Variants in SLFN12L observed in about 807,000 individuals in gnomAD.
SLFN12L encodes schlafen family member 12 like.
SLFN12L carries 34 observed loss-of-function variants against 34.8 expected under a neutral mutation model. The observed-to-expected ratio is 0.98, with a 90% CI of 0.74 to 1.30. SLFN12L has a LOEUF of 1.30. SLFN12L is among the 50% of genes most tolerant of loss of function. The probability of loss-of-function intolerance (pLI) is 0.00; values close to 1 mark genes in which losing one functional copy is unlikely to be tolerated. For synonymous variants in SLFN12L, 259 were observed against 247.5 expected (o/e 1.05, Z -0.44); for missense variants, 703 against 696.2 (o/e 1.01, Z -0.11).
chr17:35,492,166 C>G (rs1338587201), intron 2 of SLFN12L, among the ~76,000 whole-genome samples: 5 of 152,160 alleles, frequency 3.3e-5, no homozygotes, highest in Non-Finnish European at 7.3e-5. Flanking sequence ...GGGAGAGAAC[C>G]TCTACTGATC....
intron 1 of SLFN12L, among the ~76,000 whole-genome samples, chr17:35,525,873 T>G (rs1051102712): frequency 1.3e-5 from 2 of 152,212 alleles, no homozygotes; most frequent in African/African-American, 4.8e-5. Flanking sequence ...ACCTTAAATG[T>G]AAATGGGCTA....
chr17:35,499,060 C>A, intron 2 of SLFN12L: 1 of 825,290 alleles, frequency 1.2e-6, no homozygotes. Context: ...CTGCTTGCTG[C>A]TGGGTTTGAC....
In SLFN12L at chr17:35,516,656, C is replaced by A. The variant is rs374825600; in HGVS notation, c.86+5623G>T. 3.3e-5 allele frequency among the ~76,000 whole-genome samples: 5 copies of A among 152,320 alleles called. No homozygotes were observed. In the South Asian group the frequency reaches 1.0e-3, roughly 32 times the overall value. On this transcript the variant is annotated intron_variant, in intron 2 of 4. Transcript: ENST00000628453. ...GTCCCTTGGAGGGCAAAATCCACCA[C>A]CCCCTCCACTCTATTGAGAGCCACT...
In SLFN12L at chr17:35,522,874, G is replaced by A. The variant is rs1424617335; in HGVS notation, c.-510C>T. On this transcript the variant is annotated 5_prime_UTR_variant, in exon 2 of 5. Transcript: ENST00000628453. Reference sequence around the variant, plus strand: ...ATCACAATTCCCCAGGAGAAAGGTTGGGTTTGCTTATTTATTAACTCCTCT... The same window carrying A: ...ATCACAATTCCCCAGGAGAAAGGTTAGGTTTGCTTATTTATTAACTCCTCT... 3.8e-5 allele frequency: 34 copies of A among 895,620 alleles called. No individual in the cohort carries two copies. The highest frequency in any genetic ancestry group is 5.7e-5 in the Non-Finnish European group (32 of 564,854). The allele number at this position is 895,620 out of a possible 1,614,324, so 55.5% of individuals were successfully genotyped here.
At chr17:35,535,349 C>T (rs1446697764) in intron 1 of SLFN12L, among the ~76,000 whole-genome samples, 3 of 151,652 alleles carry the variant, frequency 2.0e-5, no homozygotes. Context: ...TGCCACCTTG[C>T]CTAGCTAATT....
At chr17:35,503,586 G>A (rs1212151867) in intron 2 of SLFN12L, among the ~76,000 whole-genome samples, 2 of 151,938 alleles carry the variant, frequency 1.3e-5, no homozygotes, top group Non-Finnish European at 2.9e-5. Flanking sequence ...TAAAAAATAG[G>A]TACTAAAGGA....
intron 4 of SLFN12L, among the ~76,000 whole-genome samples, chr17:35,477,303 G>A (rs1454436145): frequency 6.6e-6 from 1 of 152,158 alleles, no homozygotes; most frequent in Non-Finnish European, 1.5e-5. Flanking sequence ...TAAATGTTAA[G>A]TGCAAAACTT....
intron 2 of SLFN12L, among the ~76,000 whole-genome samples, chr17:35,514,115 G>T (rs1400385926): frequency 6.6e-6 from 1 of 152,336 alleles, no homozygotes; most frequent in South Asian, 2.1e-4. Context: ...CACAAAGCTT[G>T]ATTGGGGTAT....
In SLFN12L at chr17:35,466,363, A is replaced by C. The variant is rs981450938; in HGVS notation, c.*8560T>G. 6.6e-6 allele frequency among the ~76,000 whole-genome samples: 1 copy of C among 152,160 alleles called. No homozygotes were observed. The highest frequency in any genetic ancestry group is 6.5e-5 in the Admixed American group (1 of 15,272). On this transcript the variant is annotated 3_prime_UTR_variant, in exon 5 of 5. Transcript: ENST00000628453. ...CACCGATCATTTTACTGTCTCCATA[A>C]TCTTGCCTTTTACAGAATGTCATAT...
chr17:35,498,198 C>CGCCTGGGGAGCCGGGGCA (rs1915163267), intron 2 of SLFN12L: 6 of 711,228 alleles, frequency 8.4e-6, no homozygotes, highest in Middle Eastern at 3.5e-4. Flanking sequence ...GAGCCGGGGC[C>CGCCTGGGGAGCCGGGGCA]GCCTGGGATG....
Position 35,467,283 on chromosome 17 carries a change from A to G in SLFN12L, c.*7640T>C, listed in dbSNP as rs777235415. ...TACCGAATGCTGGATGCCCTGGCCA[A>G]CAAATGGCCCCATCTCCATATTCCT... On this transcript the variant is annotated 3_prime_UTR_variant, in exon 5 of 5. Coordinates refer to ENST00000628453, the MANE Select transcript of SLFN12L (RefSeq NM_001363830.2). Among the ~76,000 whole-genome samples the G allele has an allele frequency of 2.6e-5, 4 of 152,236 alleles. No individual in the cohort carries two copies. Among genetic ancestry groups the G allele is most frequent in the Non-Finnish European group, 4.4e-5 (3 of 68,038 alleles).
At chr17:35,527,862 G>A (rs191705061) in intron 1 of SLFN12L, among the ~76,000 whole-genome samples, 1,892 of 152,260 alleles carry the variant, frequency 0.012, 20 homozygotes, top group Non-Finnish European at 0.019. Context: ...GGGAAATGAG[G>A]CAAGAGAAAG....
Position 35,469,805 on chromosome 17 carries a change from T to C in SLFN12L, c.*5118A>G, listed in dbSNP as rs1468899786. ...CCTACCCTACATAAACCCAGGGCCA[T>C]GTAACAGACAACTGGGGACCGTCCC... On this transcript the variant is annotated 3_prime_UTR_variant, in exon 5 of 5. Coordinates refer to ENST00000628453, the MANE Select transcript of SLFN12L (RefSeq NM_001363830.2). Among the ~76,000 whole-genome samples the C allele has an allele frequency of 1.3e-5, 2 of 152,154 alleles. No homozygotes were observed. The highest frequency in any genetic ancestry group is 2.9e-5 in the Non-Finnish European group (2 of 68,022).
chr17:35,478,355 T>C (rs941016383), intron 3 of SLFN12L, 170 bp from the exon 4 acceptor site: 2 of 468,428 alleles, frequency 4.3e-6, no homozygotes, highest in Non-Finnish European at 7.5e-6. Flanking sequence ...CTAGGTCAGA[T>C]ACAAATTGTA....
At position 35,479,595 on chromosome 17, in the gene SLFN12L, T is replaced by C. The variant is rs745522055; in HGVS notation, c.687A>G (p.Arg229=). The part of the protein sequence containing the change: ...MEALAADFFN[R]TELGYKEKLT... ...ATTTTTCTTTATAACCAAGTTCTGT[T>C]CTGTTAAAAAAATCAGCAGCCAAGG... The change falls in exon 3 of 5, where the codon AGA becomes AGG. Residue 229 remains arginine, a synonymous_variant. Transcript: ENST00000628453. The C allele has an allele frequency of 2.5e-6, 4 of 1,612,956 alleles. No homozygotes were observed. The African/African-American group carries it at 5.3e-5, about 22-fold the overall frequency.
intron 1 of SLFN12L, among the ~76,000 whole-genome samples, chr17:35,533,617 G>A (rs1235110341): frequency 6.6e-6 from 1 of 152,230 alleles, no homozygotes. Context: ...GTGAAGAAGG[G>A]GGGGAAGAAT....
intron 2 of SLFN12L, among the ~76,000 whole-genome samples, chr17:35,508,729 A>T (rs1051134469): frequency 6.6e-6 from 1 of 151,990 alleles, no homozygotes; most frequent in African/African-American, 2.4e-5. Flanking sequence ...TTTTCCTTGG[A>T]GACAGTTCTC....
At chr17:35,510,975 T>A (rs1205939877) in intron 2 of SLFN12L, among the ~76,000 whole-genome samples, 1 of 152,130 alleles carries the variant, frequency 6.6e-6, no homozygotes, top group African/African-American at 2.4e-5. Context: ...TAACTCAAAC[T>A]GTTGAGAGAG....
intron 2 of SLFN12L, 102 bp downstream of exon 2, chr17:35,522,177 C>A: frequency 6.8e-7 from 1 of 1,480,450 alleles, no homozygotes; most frequent in Non-Finnish European, 9.1e-7. Context: ...TTTGTTGTCA[C>A]AGATAATTTT....
Sources: allele counts gnomAD v4.1 joint callset (sites outside exome capture counted in the v4.1 genomes callset), GRCh38; gene constraint gnomAD v4.1.1; transcripts MANE v1.5; gene names NCBI Gene and HGNC (gene_info 2026-07-23, HGNC 2026-07-21).